The following C4orf51 variants were observed in gnomAD, a reference collection of about 807,000 sequenced individuals.
C4orf51 encodes uncharacterized protein C4orf51.
In C4orf51, 25 loss-of-function variants were observed where a neutral mutation model predicts 25.2. That is an observed-to-expected ratio of 0.99 (90% confidence interval 0.72 to 1.39). The LOEUF is 1.39. Among genes scored for constraint, C4orf51 ranks in the 40% most tolerant of loss-of-function variants. The pLI, the probability that C4orf51 is intolerant of heterozygous loss-of-function variation, is 0.00. For missense variants in C4orf51, 252 were observed against 239.6 expected (o/e 1.05, Z -0.34); for synonymous variants, 100 against 84.5 (o/e 1.18, Z -1.01).
downstream of C4orf51, chr4:145,774,726 C>G (rs1028689378): frequency 1.0e-5 from 16 of 1,571,418 alleles, no homozygotes; most frequent in Non-Finnish European, 1.4e-5. Flanking sequence ...ACACATACTT[C>G]TAAATGTAGG....
chr4:145,783,061 T>A, the C4orf51 span, among the ~76,000 whole-genome samples: 1 of 146,188 alleles, frequency 6.8e-6, no homozygotes, highest in East Asian at 2.0e-4. Context: ...TGTTTACATA[T>A]CTTCTATAAG....
chr4:145,750,102 T>C (rs1170399383), intron 1 of C4orf51, among the ~76,000 whole-genome samples: 1 of 152,200 alleles, frequency 6.6e-6, no homozygotes, highest in East Asian at 1.9e-4. Flanking sequence ...AAAGTTGTTG[T>C]AGTTATTATT....
At chr4:145,766,233 G>A (rs940726304) in intron 1 of C4orf51, among the ~76,000 whole-genome samples, 7 of 151,948 alleles carry the variant, frequency 4.6e-5, no homozygotes, top group South Asian at 2.1e-4. Context: ...ATCAGTACTC[G>A]GGACCCTCTC....
At chr4:145,783,653 A>C in the C4orf51 span, among the ~76,000 whole-genome samples, 4 of 152,346 alleles carry the variant, frequency 2.6e-5, no homozygotes, top group African/African-American at 9.6e-5. Context: ...AGTTCTGAGA[A>C]GGCTTTTGCT....
intron 2 of C4orf51, among the ~76,000 whole-genome samples, chr4:145,705,394 A>G (rs974298954): frequency 1.3e-5 from 2 of 152,048 alleles, no homozygotes; most frequent in South Asian, 4.2e-4. Context: ...CCTGGTCTGT[A>G]TGTGTGGTGA....
At chr4:145,721,742 G>A (rs1463092169) in intron 2 of C4orf51, among the ~76,000 whole-genome samples, 1 of 152,196 alleles carries the variant, frequency 6.6e-6, no homozygotes, top group Non-Finnish European at 1.5e-5. Flanking sequence ...TACTGTTCAA[G>A]CATAACATCA....
chr4:145,702,153 C>A (rs892272929), intron 2 of C4orf51, among the ~76,000 whole-genome samples: 4 of 152,108 alleles, frequency 2.6e-5, no homozygotes, highest in African/African-American at 9.7e-5. Context: ...GCTTCTAAAA[C>A]CTATAAACTC....
Position 145,696,588 on chromosome 4 carries a change from A to T in C4orf51, c.263A>T (p.His88Leu). 1 of 1,613,816 alleles carries T rather than the reference A, an allele frequency of 6.2e-7. No homozygotes were observed. The highest frequency in any genetic ancestry group is 8.5e-7 in the Non-Finnish European group (1 of 1,179,776). Residue 88 changes from histidine (H) to leucine (L), a missense_variant, in exon 2 of 6, where the codon CAT (histidine) becomes CTT (leucine). Coordinates refer to ENST00000438731, the MANE Select transcript of C4orf51 (RefSeq NM_001080531.3). Reference protein sequence around the residue: ...QMSLTNSSACHLLCWAGTQET... With the variant: ...QMSLTNSSACLLLCWAGTQET... The stretch of plus-strand genomic sequence containing the variant: ...TCATTGACAAACAGTTCTGCCTGTC[A>T]TCTTCTCTGCTGGGCTGGTACCCAA...
At position 145,702,231 on chromosome 4, in the gene C4orf51, C is replaced by T. The variant is rs1299625498; in HGVS notation, c.307+5599C>T. Among the ~76,000 whole-genome samples the T allele has an allele frequency of 9.9e-5, 15 of 152,056 alleles. No homozygotes were observed. In the South Asian group the frequency reaches 1.0e-3, roughly 11 times the overall value. ...GGCTTACAAGTTAGTTCAGAATCTG[C>T]GCCTTATCAACCAAATTGTTTTGCC... On this transcript the variant is annotated intron_variant, in intron 2 of 5. Transcript: ENST00000438731.
chr4:145,787,080 A>G, the C4orf51 span, among the ~76,000 whole-genome samples: 3 of 152,312 alleles, frequency 2.0e-5, no homozygotes, highest in East Asian at 5.8e-4. Context: ...GGCAGAACCA[A>G]CTTCCCCTTT....
intron 2 of C4orf51, among the ~76,000 whole-genome samples, chr4:145,703,185 A>G (rs58496125): frequency 0.34 from 51,258 of 149,738 alleles, 8,927 homozygotes; most frequent in Admixed American, 0.47. Flanking sequence ...AACTGATGAC[A>G]TTCCACCACA....
At chr4:145,768,257 C>T (rs1251444652) in intron 1 of C4orf51, among the ~76,000 whole-genome samples, 4 of 152,094 alleles carry the variant, frequency 2.6e-5, no homozygotes, top group African/African-American at 7.2e-5. Flanking sequence ...CTCCACCTCC[C>T]GGGTTCAAGC....
chr4:145,741,860 C>T (rs1412199008), intron 1 of C4orf51, among the ~76,000 whole-genome samples: 32 of 152,030 alleles, frequency 2.1e-4, no homozygotes, highest in Non-Finnish European at 1.5e-5. Context: ...CCATGCCCAA[C>T]TAATTTTTGT....
Position 145,745,320 on chromosome 4 carries a change from A to ATTTTTTT in C4orf51, n.168-8876_168-8870dup, listed in dbSNP as rs374600935. Among the ~76,000 whole-genome samples the ATTTTTTT allele has an allele frequency of 8.5e-4, 115 of 135,322 alleles. 4 individuals are homozygous for ATTTTTTT. The highest frequency in any genetic ancestry group is 2.5e-3 in the African/African-American group (91 of 36,014). The allele number at this position is 135,322 out of a possible 152,430, so 88.8% of individuals were successfully genotyped here. Reference sequence around the variant, plus strand: ...ATCAAATACTAGGTCTTATTCATTCATTTTTTTTTTTTTTTTTGGTACCCA... The same window carrying ATTTTTTT: ...ATCAAATACTAGGTCTTATTCATTCATTTTTTTTTTTTTTTTTTTTTTTTGGTACCCA... On this transcript the variant is annotated intron_variant and non_coding_transcript_variant, in intron 1 of 1. Coordinates refer to the C4orf51 transcript ENST00000508981.
At chr4:145,699,634 A>T (rs1008493174) in intron 2 of C4orf51, among the ~76,000 whole-genome samples, 2 of 152,150 alleles carry the variant, frequency 1.3e-5, no homozygotes, top group African/African-American at 2.4e-5. Context: ...TTGGTGTTTA[A>T]TCATTGCAGG....
Position 145,765,243 on chromosome 4 carries a change from C to CGA in C4orf51, n.167-5745_167-5744insGA. On this transcript the variant is annotated intron_variant and non_coding_transcript_variant, in intron 1 of 1. Transcript: ENST00000510096. The surrounding 1 kb of genome is among the most constrained non-coding windows in gnomAD (Gnocchi z 4.7). The stretch of plus-strand genomic sequence containing the variant: ...GGCAGGAGTGGAGCCAAGCTCCTCC[C>CGA]CACTTCCTCCCGCCTCCTCCGACGC... 1 of 1,440,488 alleles carries CGA rather than the reference C, an allele frequency of 6.9e-7. No individual in the cohort carries two copies. The highest frequency in any genetic ancestry group is 9.3e-7 in the Non-Finnish European group (1 of 1,077,834). 89.2% of individuals were successfully genotyped at this position (1,440,488 alleles called of 1,614,324 possible).
At chr4:145,697,910 AT>A (rs1018379668) in intron 2 of C4orf51, among the ~76,000 whole-genome samples, 8 of 152,206 alleles carry the variant, frequency 5.3e-5, no homozygotes, top group African/African-American at 1.7e-4. Context: ...TCTATTTTTA[AT>A]TTTTTTCAGG....
chr4:145,768,916 T>TATATATATAAAA (rs34051922), intron 1 of C4orf51, among the ~76,000 whole-genome samples: 437 of 34,328 alleles, frequency 0.013, 78 homozygotes, highest in Non-Finnish European at 0.016. Context: ...TATATATATA[T>TATATATATAAAA]TAGGTATACA....
chr4:145,710,226 C>T (rs1731057110), intron 2 of C4orf51, among the ~76,000 whole-genome samples: 1 of 152,132 alleles, frequency 6.6e-6, no homozygotes, highest in African/African-American at 2.4e-5. Context: ...GGGTTTAAGG[C>T]AGAAGGAGAA....
Sources: allele counts gnomAD v4.1 joint callset (sites outside exome capture counted in the v4.1 genomes callset), GRCh38; gene constraint gnomAD v4.1.1; non-coding constraint Gnocchi (gnomAD v3.1); transcripts MANE v1.5; gene names NCBI Gene and HGNC (gene_info 2026-07-23, HGNC 2026-07-21).